SIK2: variants seen among roughly 807,000 people sequenced by gnomAD.
SIK2 encodes the protein salt inducible kinase 2, also known as serine/threonine-protein kinase SIK2.
Under a neutral mutation model 103.2 loss-of-function variants are expected in SIK2, and 29 were observed. The observed-to-expected ratio is 0.28, with a 90% confidence interval of 0.21 to 0.38. The LOEUF is 0.38. SIK2 is among the 10% of genes least tolerant of loss of function. The pLI, the probability that SIK2 is intolerant of heterozygous loss-of-function variation, is 1.00. For synonymous variants in SIK2, 412 were observed against 446.1 expected, an observed-to-expected ratio of 0.92 and a Z score of 0.96; for missense variants, 879 against 1,171.0, an observed-to-expected ratio of 0.75 and a Z score of 3.64.
Position 111,724,974 on chromosome 11 carries a change from A to G in SIK2, c.*845A>G, listed in dbSNP as rs1227418163. The G allele has an allele frequency of 1.3e-5, 2 of 152,476 alleles. No individual in the cohort carries two copies. The highest frequency in any genetic ancestry group is 2.9e-5 in the Non-Finnish European group (2 of 68,064). The allele number at this position is 152,476 out of a possible 1,614,324, so 9.4% of individuals were successfully genotyped here. A position where few individuals can be genotyped will look rare whatever the true frequency, so the allele number is the denominator to read the frequency against. ...GCTCTTCCTGCAGTTTCTCGTGGACACTGCTGGCTTGCGGGCAGTCGGTCT... is the reference window on the plus strand; with the variant it reads ...GCTCTTCCTGCAGTTTCTCGTGGACGCTGCTGGCTTGCGGGCAGTCGGTCT... On this transcript the variant is annotated 3_prime_UTR_variant, in exon 15 of 15. Coordinates refer to ENST00000304987, the MANE Select transcript of SIK2 (RefSeq NM_015191.3).
rs1440632406 is a variant in SIK2, at chr11:111,711,483, G to A, written c.1102-728G>A. On this transcript the variant is annotated intron_variant, in intron 8 of 14. Transcript: ENST00000304987. The stretch of plus-strand genomic sequence containing the variant: ...TTTCCCTAGAGTAGTTAACAAACGA[G>A]ACGTGAGAACAGACTTCAAACCATC... 3.9e-5 allele frequency among the ~76,000 whole-genome samples: 6 copies of A among 152,328 alleles called. 1 individual carries two copies. The South Asian group carries it at 8.3e-4, about 21-fold the overall frequency.
At chr11:111,606,710 G>T (rs1166555202) in intron 1 of SIK2, among the ~76,000 whole-genome samples, 1 of 151,920 alleles carries the variant, frequency 6.6e-6, no homozygotes, top group South Asian at 2.1e-4. Context: ...AGAAATTGCT[G>T]GTAAAGTCCT....
chr11:111,703,782 G>A (rs1943272696), intron 7 of SIK2, among the ~76,000 whole-genome samples: 1 of 152,144 alleles, frequency 6.6e-6, no homozygotes, highest in Non-Finnish European at 1.5e-5. Context: ...TAGGCAAAGG[G>A]CCAAGCAGGA....
intron 3 of SIK2, among the ~76,000 whole-genome samples, chr11:111,625,204 A>T (rs908159925): frequency 6.6e-6 from 1 of 152,132 alleles, no homozygotes; most frequent in Non-Finnish European, 1.5e-5. Flanking sequence ...CACAGAAGTG[A>T]CTGCATCTAA....
At chr11:111,695,792 C>T (rs761384701) in intron 4 of SIK2, among the ~76,000 whole-genome samples, 4 of 152,162 alleles carry the variant, frequency 2.6e-5, no homozygotes, top group Non-Finnish European at 5.9e-5. Flanking sequence ...GTATTTGGTT[C>T]CCATTAGACA....
At chr11:111,641,216 T>A (rs1942178588) in intron 3 of SIK2, among the ~76,000 whole-genome samples, 1 of 152,202 alleles carries the variant, frequency 6.6e-6, no homozygotes, top group Non-Finnish European at 1.5e-5. Context: ...ATGCATTCCC[T>A]CACTGAGCTC....
intron 3 of SIK2, among the ~76,000 whole-genome samples, chr11:111,685,344 C>A (rs561550495): frequency 1.3e-5 from 2 of 152,324 alleles, no homozygotes; most frequent in South Asian, 4.1e-4. Flanking sequence ...GGTCCGTGAC[C>A]CAGGGGTTGA....
intron 3 of SIK2, among the ~76,000 whole-genome samples, chr11:111,654,357 TG>T (rs1339295622): frequency 6.6e-6 from 1 of 152,210 alleles, no homozygotes; most frequent in Non-Finnish European, 1.5e-5. Flanking sequence ...TTATCTCCTA[TG>T]CTGTAGATTT....
intron 2 of SIK2, among the ~76,000 whole-genome samples, chr11:111,617,238 T>C (rs1484825365): frequency 6.6e-6 from 1 of 152,214 alleles, no homozygotes; most frequent in Non-Finnish European, 1.5e-5. Context: ...GGGCTTTTAG[T>C]GCACCCACCA....
rs975703665 is a variant in SIK2, at chr11:111,602,611, G to T, written c.48G>T (p.Arg16=). 1 of 1,536,008 alleles carries T rather than the reference G, an allele frequency of 6.5e-7. No homozygotes were observed. The highest frequency in any genetic ancestry group is 8.8e-7 in the Non-Finnish European group (1 of 1,140,932). Residue 16 remains arginine, a synonymous_variant, in exon 1 of 15, where the codon CGG becomes CGT. Transcript: ENST00000304987. The surrounding 1 kb of genome is among the most constrained non-coding windows in gnomAD (Gnocchi z 4.5). ...GGCACTTGCAGCGCGGGCCGGTCCGGGTGGGGTTCTACGACATCGAGGGCA... is the reference window on the plus strand; with the variant it reads ...GGCACTTGCAGCGCGGGCCGGTCCGTGTGGGGTTCTACGACATCGAGGGCA... The part of the protein sequence containing the change: ...GPRHLQRGPV[R]VGFYDIEGTL...
chr11:111,627,076 G>A (rs1031104531), intron 3 of SIK2, among the ~76,000 whole-genome samples: 1 of 152,014 alleles, frequency 6.6e-6, no homozygotes, highest in Non-Finnish European at 1.5e-5. Context: ...ATGTAAATGG[G>A]CAAAAAATTG....
chr11:111,695,252 A>G (rs2135908745), intron 4 of SIK2, among the ~76,000 whole-genome samples: 1 of 152,340 alleles, frequency 6.6e-6, no homozygotes, highest in African/African-American at 2.4e-5. Context: ...ATTTAACCCT[A>G]AAGCCATCTG....
rs1297695383 is a variant in SIK2, at chr11:111,724,173, A to G, written c.*44A>G. The G allele has an allele frequency of 2.6e-6, 4 of 1,559,802 alleles. No homozygotes were observed. The highest frequency in any genetic ancestry group is 2.7e-5 in the African/African-American group (2 of 73,436). ...GGTGGGTCAGGTGAAGGAAGAGTGT[A>G]TGTTCCTATTTTTATTCCAGCCTTT... On this transcript the variant is annotated 3_prime_UTR_variant, in exon 15 of 15. Coordinates refer to ENST00000304987, the MANE Select transcript of SIK2 (RefSeq NM_015191.3).
intron 3 of SIK2, among the ~76,000 whole-genome samples, chr11:111,631,563 C>T (rs1942037484): frequency 6.6e-6 from 1 of 152,084 alleles, no homozygotes; most frequent in African/African-American, 2.4e-5. Flanking sequence ...AGTGAAGCAA[C>T]AAAAGGGCCT....
At chr11:111,675,473 T>C (rs1394917452) in intron 3 of SIK2, among the ~76,000 whole-genome samples, 8 of 152,202 alleles carry the variant, frequency 5.3e-5, no homozygotes, top group Non-Finnish European at 1.5e-5. Flanking sequence ...ATAGTTTTGG[T>C]TTTTGCAGCT....
intron 2 of SIK2, among the ~76,000 whole-genome samples, chr11:111,618,927 G>T (rs1320742856): frequency 6.6e-6 from 1 of 151,952 alleles, no homozygotes; most frequent in Non-Finnish European, 1.5e-5. Flanking sequence ...GCAGAGACAG[G>T]ATCTCACTAT....
At chr11:111,655,384 A>G (rs1322697301) in intron 3 of SIK2, among the ~76,000 whole-genome samples, 2 of 152,214 alleles carry the variant, frequency 1.3e-5, no homozygotes, top group African/African-American at 2.4e-5. Context: ...AGCCTGAGCA[A>G]CAGAGCGAGA....
At chr11:111,675,262 A>G (rs1334566981) in intron 3 of SIK2, among the ~76,000 whole-genome samples, 2 of 152,216 alleles carry the variant, frequency 1.3e-5, no homozygotes, top group African/African-American at 4.8e-5. Context: ...CACATTCTCC[A>G]TGACCAAAAC....
chr11:111,701,377 C>A lies in SIK2; in HGVS notation c.604-75C>A. The A allele has an allele frequency of 6.5e-7, 1 of 1,542,990 alleles. No homozygotes were observed. Among genetic ancestry groups the A allele is most frequent in the South Asian group, 1.3e-5 (1 of 79,358 alleles). On this transcript the variant is annotated intron_variant, in intron 5 of 14. Coordinates refer to ENST00000304987, the MANE Select transcript of SIK2 (RefSeq NM_015191.3). The surrounding 1 kb of genome is among the most constrained non-coding windows in gnomAD (Gnocchi z 4.2). ...TTTCAGTCCATATGATTTCAAGAGC[C>A]CTGGGGATGTTCAGGAAAACAAAGA...
Sources: allele counts gnomAD v4.1 joint callset (sites outside exome capture counted in the v4.1 genomes callset), GRCh38; gene constraint gnomAD v4.1.1; non-coding constraint Gnocchi (gnomAD v3.1); transcripts MANE v1.5; gene names NCBI Gene and HGNC (gene_info 2026-07-23, HGNC 2026-07-21).